Variants in PRKAR2A observed in about 807,000 individuals in gnomAD.
The protein encoded by PRKAR2A is cAMP-dependent protein kinase type II-alpha regulatory subunit.
In PRKAR2A, 29 loss-of-function variants were observed where a neutral mutation model predicts 51.9. The observed-to-expected ratio is 0.56, with a 90% CI of 0.42 to 0.76. The LOEUF is 0.76. Among genes scored for constraint, PRKAR2A ranks in the 30% least tolerant of loss-of-function variants. The pLI is 0.00. For synonymous variants in PRKAR2A, 178 were observed against 186.2 expected, an observed-to-expected ratio of 0.96 and a Z score of 0.36; for missense variants, 445 against 512.1, an observed-to-expected ratio of 0.87 and a Z score of 1.26.
intron 1 of PRKAR2A, among the ~76,000 whole-genome samples, chr3:48,818,534 G>C (rs545029030): frequency 4.6e-5 from 7 of 152,234 alleles, no homozygotes; most frequent in Admixed American, 1.3e-4. Flanking sequence ...AGGACTGCTT[G>C]AGCCCAGGAG....
intron 1 of PRKAR2A, among the ~76,000 whole-genome samples, chr3:48,834,788 A>G (rs921535420): frequency 4.6e-5 from 7 of 151,858 alleles, no homozygotes; most frequent in Non-Finnish European, 1.5e-5. Flanking sequence ...TTTGCAAATC[A>G]CTTATCATAT....
rs555724779 is a variant in PRKAR2A, at chr3:48,761,042, G to A, written c.873+3962C>T. On this transcript the variant is annotated intron_variant, in intron 8 of 10. Coordinates refer to ENST00000265563, the MANE Select transcript of PRKAR2A (RefSeq NM_004157.4). ...CTCACACCTGTAATCCCAGCACTTT[G>A]GGAGGCAGAGGAAGGAGGATCACGA... is the stretch of plus-strand genomic sequence containing the variant. Among the ~76,000 whole-genome samples the A allele has an allele frequency of 5.3e-5, 8 of 152,162 alleles. No individual in the cohort carries two copies. In the South Asian group the frequency reaches 1.2e-3, roughly 24 times the overall value.
intron 1 of PRKAR2A, among the ~76,000 whole-genome samples, chr3:48,836,145 C>T (rs2083279432): frequency 6.6e-6 from 1 of 151,942 alleles, no homozygotes; most frequent in African/African-American, 2.4e-5. Context: ...CTCGGCCAGG[C>T]ACGGTGGCTC....
intron 1 of PRKAR2A, among the ~76,000 whole-genome samples, chr3:48,813,978 G>C (rs1009253188): frequency 2.0e-5 from 3 of 152,034 alleles, no homozygotes; most frequent in African/African-American, 7.2e-5. Context: ...ACAAAAATTA[G>C]GGCCAGGCGC....
chr3:48,783,756 T>C (rs1158594699), intron 4 of PRKAR2A, among the ~76,000 whole-genome samples: 1 of 152,156 alleles, frequency 6.6e-6, no homozygotes, highest in African/African-American at 2.4e-5. Context: ...AATTTTTATA[T>C]TTTTAGTAGA....
chr3:48,801,118 T>G (rs1465515523), intron 2 of PRKAR2A, among the ~76,000 whole-genome samples: 1 of 152,226 alleles, frequency 6.6e-6, no homozygotes, highest in Non-Finnish European at 1.5e-5. Flanking sequence ...TAGCTGGGAT[T>G]ACAGGCGTGG....
chr3:48,785,094 C>CT (rs34088103), intron 4 of PRKAR2A, among the ~76,000 whole-genome samples: 89,537 of 137,370 alleles, frequency 0.65, 29,739 homozygotes, highest in East Asian at 0.95. Context: ...GGAAAATATT[C>CT]TTTTTTTTTT....
At chr3:48,789,385 G>A (rs750847478) in intron 4 of PRKAR2A, among the ~76,000 whole-genome samples, 4 of 151,904 alleles carry the variant, frequency 2.6e-5, no homozygotes, top group African/African-American at 7.3e-5. Flanking sequence ...TACTTAACAC[G>A]CACTGTGGCT....
chr3:48,846,855 T>TC (rs1372708351), intron 1 of PRKAR2A, among the ~76,000 whole-genome samples: 3 of 152,200 alleles, frequency 2.0e-5, no homozygotes, highest in African/African-American at 4.8e-5. Context: ...ACGCAACTGT[T>TC]AAATGTAGGT....
At chr3:48,785,163 C>G (rs1383241930) in intron 4 of PRKAR2A, among the ~76,000 whole-genome samples, 1 of 149,100 alleles carries the variant, frequency 6.7e-6, no homozygotes, top group African/African-American at 2.5e-5. Context: ...CGATCTTGGT[C>G]CACTGCAACC....
chr3:48,770,393 G>A (rs757760370), intron 6 of PRKAR2A, among the ~76,000 whole-genome samples: 4 of 152,144 alleles, frequency 2.6e-5, no homozygotes, highest in Non-Finnish European at 4.4e-5. Flanking sequence ...GGGCCGTGAT[G>A]GCAGCTGCCC....
At chr3:48,835,441 G>A (rs766108780) in intron 1 of PRKAR2A, among the ~76,000 whole-genome samples, 9 of 151,916 alleles carry the variant, frequency 5.9e-5, no homozygotes, top group South Asian at 2.1e-4. Flanking sequence ...GCAGATCGAG[G>A]CCATCCTGGC....
chr3:48,827,059 T>C (rs995680526), intron 1 of PRKAR2A, among the ~76,000 whole-genome samples: 1 of 152,174 alleles, frequency 6.6e-6, no homozygotes, highest in Non-Finnish European at 1.5e-5. Context: ...ACTTATCTAC[T>C]AACCATTTTT....
chr3:48,812,487 C>CTTT (rs71627353), intron 1 of PRKAR2A, among the ~76,000 whole-genome samples: 3 of 134,332 alleles, frequency 2.2e-5, no homozygotes, highest in Admixed American at 7.6e-5. Context: ...GCAGAAAAAG[C>CTTT]TTTTTTTTTT....
chr3:48,811,510 A>G (rs1212330304), intron 1 of PRKAR2A, among the ~76,000 whole-genome samples: 3 of 152,152 alleles, frequency 2.0e-5, no homozygotes, highest in African/African-American at 7.2e-5. Context: ...TGACATATGC[A>G]ACTTGGATGA....
At position 48,749,298 on chromosome 3, in the gene PRKAR2A, T is replaced by C. The variant is rs960963339; in HGVS notation, c.*2287A>G. 6.6e-6 allele frequency: 1 copy of C among 152,140 alleles called. No homozygotes were observed. Among genetic ancestry groups the C allele is most frequent in the African/African-American group, 2.4e-5 (1 of 41,428 alleles). 9.4% of individuals were successfully genotyped at this position (152,140 alleles called of 1,614,324 possible). On this transcript the variant is annotated 3_prime_UTR_variant, in exon 11 of 11. Coordinates refer to ENST00000265563, the MANE Select transcript of PRKAR2A (RefSeq NM_004157.4). ...ATTCTGAAGGAAAAAAAAATTATTCTGAAATATACCTTATTAGGATGATCA... is the reference window on the plus strand; with the variant it reads ...ATTCTGAAGGAAAAAAAAATTATTCCGAAATATACCTTATTAGGATGATCA...
rs183678417 is a variant in PRKAR2A at position 48,802,108 on chromosome 3, G to A, written c.298+5541C>T. ...ATTTTTAGTAGAGATGGGGTTTCACGATGTTGGCCAGGCTAGTCTCAAACT... is the reference window on the plus strand; with the variant it reads ...ATTTTTAGTAGAGATGGGGTTTCACAATGTTGGCCAGGCTAGTCTCAAACT... On this transcript the variant is annotated intron_variant, in intron 2 of 10. Coordinates refer to ENST00000265563, the MANE Select transcript of PRKAR2A (RefSeq NM_004157.4). 8.7e-3 allele frequency among the ~76,000 whole-genome samples: 1,321 copies of A among 151,850 alleles called. 14 individuals carry two copies. Among genetic ancestry groups the A allele is most frequent in the African/African-American group, 0.031 (1,271 of 41,408 alleles).
chr3:48,779,388 G>C (rs760910484), intron 5 of PRKAR2A, among the ~76,000 whole-genome samples: 4 of 152,096 alleles, frequency 2.6e-5, no homozygotes, highest in Non-Finnish European at 5.9e-5. Flanking sequence ...TTATTTCCCA[G>C]ATCATAAGTG....
chr3:48,758,649 A>T (rs2081813939), intron 8 of PRKAR2A, among the ~76,000 whole-genome samples: 1 of 152,012 alleles, frequency 6.6e-6, no homozygotes, highest in Non-Finnish European at 1.5e-5. Context: ...GGGTATGTGT[A>T]CAGGATAAGA....
Sources: gnomAD v4.1 joint callset for allele counts (sites outside exome capture counted in the v4.1 genomes callset) on GRCh38, gnomAD v4.1.1 for gene constraint, MANE v1.5 for transcripts, NCBI Gene and HGNC (gene_info 2026-07-23, HGNC 2026-07-21) for gene names.